IGSF21: variants seen among roughly 807,000 people sequenced by gnomAD.
The protein encoded by IGSF21 is immunoglobulin superfamily member 21.
A neutral mutation model predicts 46.8 loss-of-function variants in IGSF21; 28 were observed. The observed-to-expected ratio is 0.60, with a 90% CI of 0.44 to 0.82. The LOEUF (loss-of-function observed/expected upper bound fraction) is 0.82. IGSF21 is among the 40% of genes least tolerant of loss of function. The pLI, the probability that IGSF21 is intolerant of heterozygous loss-of-function variation, is 0.00. For synonymous variants in IGSF21, 284 were observed against 273.6 expected, an observed-to-expected ratio of 1.04 and a Z score of -0.38; for missense variants, 624 against 665.5, an observed-to-expected ratio of 0.94 and a Z score of 0.69.
intron 1 of IGSF21, among the ~76,000 whole-genome samples, chr1:18,138,741 G>T (rs1443723663): frequency 6.6e-6 from 1 of 152,192 alleles, no homozygotes; most frequent in African/African-American, 2.4e-5. Flanking sequence ...GTAAAGAAGT[G>T]CAAGATGCCA....
chr1:18,298,788 G>A (rs930913610), intron 3 of IGSF21, among the ~76,000 whole-genome samples: 3 of 152,232 alleles, frequency 2.0e-5, no homozygotes, highest in African/African-American at 7.2e-5. Context: ...GCACAAAAGT[G>A]GCTAAAATCA....
chr1:18,177,288 T>G lies in IGSF21; in HGVS notation c.71-50610T>G, dbSNP rs1260887341. Among the ~76,000 whole-genome samples, 3 of 152,270 alleles carry G rather than the reference T, an allele frequency of 2.0e-5. No homozygotes were observed. The East Asian group carries it at 5.8e-4, about 29-fold the overall frequency. ...AGACAACAGGGCAGGTGGTCCAGGG[T>G]CCAAGGTTTTTCCTTTGCCCCGAAA... On this transcript the variant is annotated intron_variant, in intron 1 of 9. Transcript: ENST00000251296.
At chr1:18,134,106 G>A (rs2086347321) in intron 1 of IGSF21, among the ~76,000 whole-genome samples, 1 of 152,150 alleles carries the variant, frequency 6.6e-6, no homozygotes, top group Admixed American at 6.5e-5. Context: ...TTAGCACCTA[G>A]GAGAGTGGCT....
chr1:18,299,203 C>T (rs892969339), intron 3 of IGSF21, among the ~76,000 whole-genome samples: 3 of 152,118 alleles, frequency 2.0e-5, no homozygotes, highest in Non-Finnish European at 4.4e-5. Context: ...AGGAAATTGA[C>T]CAAGTAGTGG....
intron 3 of IGSF21, among the ~76,000 whole-genome samples, chr1:18,292,191 C>A (rs1051517161): frequency 1.6e-4 from 24 of 152,200 alleles, no homozygotes; most frequent in African/African-American, 5.8e-4. Context: ...GAGGGCCAGG[C>A]CACCGCTCTT....
chr1:18,344,636 C>T (rs1324707705), intron 4 of IGSF21, among the ~76,000 whole-genome samples: 2 of 152,016 alleles, frequency 1.3e-5, no homozygotes, highest in Admixed American at 6.6e-5. Context: ...GGGCTTCTTC[C>T]AAGCAAAGCC....
At chr1:18,184,996 C>A (rs1020828913) in intron 1 of IGSF21, among the ~76,000 whole-genome samples, 9 of 152,164 alleles carry the variant, frequency 5.9e-5, no homozygotes, top group Non-Finnish European at 1.0e-4. Context: ...TGGAAGAATA[C>A]AAGGGACAGC....
At chr1:18,136,541 T>A (rs2086368931) in intron 1 of IGSF21, among the ~76,000 whole-genome samples, 1 of 152,236 alleles carries the variant, frequency 6.6e-6, no homozygotes, top group African/African-American at 2.4e-5. Flanking sequence ...CTTCTTTTTG[T>A]CAGGTTTGTC....
At chr1:18,341,130 CTTT>C (rs58687417) in intron 4 of IGSF21, among the ~76,000 whole-genome samples, 2 of 136,054 alleles carry the variant, frequency 1.5e-5, no homozygotes, top group Admixed American at 7.6e-5. Flanking sequence ...TTCTTCTTCT[CTTT>C]TTTTTTTTTG....
chr1:18,235,567 G>A (rs1433778857), intron 2 of IGSF21, among the ~76,000 whole-genome samples: 5 of 152,226 alleles, frequency 3.3e-5, no homozygotes, highest in Non-Finnish European at 5.9e-5. Context: ...GAAAGCAAAT[G>A]CAAGACAGTT....
chr1:18,161,906 C>T (rs72944417), intron 1 of IGSF21, among the ~76,000 whole-genome samples: 7 of 152,236 alleles, frequency 4.6e-5, no homozygotes, highest in East Asian at 1.9e-4. Flanking sequence ...GGGCACTTAA[C>T]GTCTCTGAGC....
intron 1 of IGSF21, among the ~76,000 whole-genome samples, chr1:18,216,025 C>G (rs931781296): frequency 4.6e-5 from 7 of 152,170 alleles, no homozygotes; most frequent in Non-Finnish European, 1.5e-5. Context: ...ATGTCTGAGA[C>G]AGACACACGA....
chr1:18,213,536 C>T (rs2084413133), intron 1 of IGSF21, among the ~76,000 whole-genome samples: 1 of 152,098 alleles, frequency 6.6e-6, no homozygotes, highest in Non-Finnish European at 1.5e-5. Context: ...TTTCTAGGGG[C>T]CAAGCAGGAA....
chr1:18,267,074 G>T (rs1335913548), intron 2 of IGSF21, among the ~76,000 whole-genome samples: 1 of 152,242 alleles, frequency 6.6e-6, no homozygotes, highest in South Asian at 2.1e-4. Context: ...CCTGGCTGTG[G>T]AGAGCTGTAT....
chr1:18,355,651 G>A (rs980048453), intron 4 of IGSF21, among the ~76,000 whole-genome samples: 1 of 152,066 alleles, frequency 6.6e-6, no homozygotes, highest in African/African-American at 2.4e-5. Flanking sequence ...TTGATTGGGG[G>A]TAGGGGCAGA....
intron 2 of IGSF21, among the ~76,000 whole-genome samples, chr1:18,241,213 A>G (rs763762930): frequency 1.3e-5 from 2 of 152,200 alleles, no homozygotes; most frequent in African/African-American, 2.4e-5. Context: ...ATCTCTGTCC[A>G]TGCCACACTG....
At chr1:18,154,546 T>C (rs2086551471) in intron 1 of IGSF21, among the ~76,000 whole-genome samples, 1 of 151,490 alleles carries the variant, frequency 6.6e-6, no homozygotes, top group African/African-American at 2.4e-5. Context: ...CCAGCTGCAA[T>C]GGATCTGATG....
At chr1:18,328,284 C>T (rs539537870) in intron 3 of IGSF21, among the ~76,000 whole-genome samples, 1 of 152,194 alleles carries the variant, frequency 6.6e-6, no homozygotes, top group East Asian at 1.9e-4. Context: ...GCGGAAAACA[C>T]TTTCATTAGC....
At chr1:18,305,205 T>C (rs1351016133) in intron 3 of IGSF21, among the ~76,000 whole-genome samples, 1 of 149,322 alleles carries the variant, frequency 6.7e-6, no homozygotes, top group Non-Finnish European at 1.5e-5. Context: ...GATGGATGGA[T>C]GAATGGATAA....
Sources: gnomAD v4.1 joint callset for allele counts (sites outside exome capture counted in the v4.1 genomes callset) on GRCh38, gnomAD v4.1.1 for gene constraint, MANE v1.5 for transcripts, NCBI Gene and HGNC (gene_info 2026-07-23, HGNC 2026-07-21) for gene names.